XKR9: variants seen among roughly 807,000 people sequenced by gnomAD.
XKR9 encodes XK-related protein 9.
XKR9 carries 32 observed loss-of-function variants against 32.0 expected under a neutral mutation model. The ratio of observed to expected loss-of-function variants is 1.00; its 90% CI spans 0.76 to 1.34. The LOEUF (loss-of-function observed/expected upper bound fraction) is 1.34. Ranked by LOEUF, XKR9 falls within the 40% of genes most tolerant of loss-of-function variation. XKR9 has a pLI of 0.00. For synonymous variants in XKR9, 168 were observed against 143.4 expected, an observed-to-expected ratio of 1.17 and a Z score of -1.22; for missense variants, 546 against 429.7, an observed-to-expected ratio of 1.27 and a Z score of -2.39.
At chr8:70,770,371 G>A (rs181757579) in intron 2 of XKR9, among the ~76,000 whole-genome samples, 1 of 152,308 alleles carries the variant, frequency 6.6e-6, no homozygotes, top group East Asian at 1.9e-4. Flanking sequence ...TGTATGAGGT[G>A]TCTGTCGACC....
At chr8:70,818,727 T>C in the XKR9 span, among the ~76,000 whole-genome samples, 2 of 152,226 alleles carry the variant, frequency 1.3e-5, no homozygotes, top group East Asian at 3.8e-4. Context: ...TAGAGAAATA[T>C]AACTAGGGGT....
chr8:70,762,429 C>A (rs1317271752), intron 2 of XKR9, among the ~76,000 whole-genome samples: 1 of 152,140 alleles, frequency 6.6e-6, no homozygotes, highest in Admixed American at 6.5e-5. Flanking sequence ...CACCTGAGCT[C>A]CACCTTCTGT....
chr8:70,811,411 G>A, the XKR9 span, among the ~76,000 whole-genome samples: 2 of 152,160 alleles, frequency 1.3e-5, no homozygotes, highest in Admixed American at 6.5e-5. Flanking sequence ...ACATTCAAAA[G>A]CTAGCAGAAG....
intron 2 of XKR9, among the ~76,000 whole-genome samples, chr8:70,741,965 GTT>G (rs71264520): frequency 0.076 from 11,066 of 146,538 alleles, 473 homozygotes; most frequent in Non-Finnish European, 0.091. Flanking sequence ...GTTGTATTCT[GTT>G]TTTTTTTTTT....
At chr8:70,758,656 G>A (rs1420261592) in intron 2 of XKR9, among the ~76,000 whole-genome samples, 2 of 152,176 alleles carry the variant, frequency 1.3e-5, no homozygotes, top group South Asian at 2.1e-4. Flanking sequence ...CAATGGCAAC[G>A]TTTTTGTCGT....
chr8:71,055,539 C>T, the XKR9 span, among the ~76,000 whole-genome samples: 1 of 152,048 alleles, frequency 6.6e-6, no homozygotes, highest in South Asian at 2.1e-4. Flanking sequence ...GACCATTATG[C>T]CTGAAACAGA....
At chr8:70,725,896 A>T (rs1806451219) in intron 4 of XKR9, among the ~76,000 whole-genome samples, 1 of 152,142 alleles carries the variant, frequency 6.6e-6, no homozygotes, top group Non-Finnish European at 1.5e-5. Flanking sequence ...ACACAGTGAG[A>T]CTCCATCTCA....
intron 3 of XKR9, among the ~76,000 whole-genome samples, chr8:70,701,067 C>T (rs1049654198): frequency 1.3e-5 from 2 of 152,132 alleles, no homozygotes; most frequent in African/African-American, 2.4e-5. Context: ...GGGAGTGACC[C>T]GATTTTCCAG....
chr8:70,703,937 C>G (rs2132169498), intron 3 of XKR9, among the ~76,000 whole-genome samples: 1 of 152,254 alleles, frequency 6.6e-6, no homozygotes, highest in East Asian at 1.9e-4. Flanking sequence ...AATCCCAGCA[C>G]TTTGGGAGCC....
Position 70,764,715 on chromosome 8 carries a change from A to G in XKR9, n.353-24624A>G, listed in dbSNP as rs534137254. ...CATCAAGCCGTCATCTACATTACAT[A>G]TTTCTCCTAATGCTATCCCTCCCCT... On this transcript the variant is annotated intron_variant and non_coding_transcript_variant, in intron 2 of 3. Transcript: ENST00000520273. Among the ~76,000 whole-genome samples the G allele has an allele frequency of 2.0e-5, 3 of 152,064 alleles. No homozygotes were observed. In the East Asian group the frequency reaches 5.8e-4, roughly 29 times the overall value.
the XKR9 span, among the ~76,000 whole-genome samples, chr8:70,995,973 A>T: frequency 6.6e-6 from 1 of 151,530 alleles, no homozygotes; most frequent in Non-Finnish European, 1.5e-5. Context: ...TGTGTGTGCC[A>T]TGCATTCTTA....
the XKR9 span, among the ~76,000 whole-genome samples, chr8:70,909,064 A>G: frequency 6.6e-6 from 1 of 151,964 alleles, no homozygotes; most frequent in African/African-American, 2.4e-5. Flanking sequence ...TTTTTTTATT[A>G]CCTTGCACCT....
At chr8:70,759,347 A>G (rs1018081714) in intron 2 of XKR9, among the ~76,000 whole-genome samples, 4 of 152,174 alleles carry the variant, frequency 2.6e-5, no homozygotes. Flanking sequence ...TATTTTAGAA[A>G]GGGGGTGGAG....
the XKR9 span, among the ~76,000 whole-genome samples, chr8:71,016,411 G>A: frequency 1.3e-5 from 2 of 152,144 alleles, no homozygotes; most frequent in Non-Finnish European, 2.9e-5. Flanking sequence ...GTTTAAATCT[G>A]TGTGTAATCT....
the XKR9 span, among the ~76,000 whole-genome samples, chr8:71,044,237 C>A: frequency 1.3e-5 from 2 of 152,120 alleles, no homozygotes; most frequent in African/African-American, 4.8e-5. Context: ...TAAATCTCCT[C>A]AAAAAAGACT....
chr8:71,045,262 A>G, the XKR9 span, among the ~76,000 whole-genome samples: 1 of 152,194 alleles, frequency 6.6e-6, no homozygotes, highest in African/African-American at 2.4e-5. Context: ...ATATCCGCAA[A>G]GCTTGTCACG....
chr8:70,793,748 A>G (rs894015700), downstream of XKR9, among the ~76,000 whole-genome samples: 12 of 151,930 alleles, frequency 7.9e-5, no homozygotes, highest in Admixed American at 3.9e-4. Flanking sequence ...TGTCTTGATT[A>G]TTGTAGCTTT....
chr8:71,044,139 G>A, the XKR9 span, among the ~76,000 whole-genome samples: 1 of 152,144 alleles, frequency 6.6e-6, no homozygotes, highest in African/African-American at 2.4e-5. Context: ...GCCTCTAGGG[G>A]TAATTTATTT....
At chr8:70,884,085 G>C in the XKR9 span, among the ~76,000 whole-genome samples, 2 of 152,116 alleles carry the variant, frequency 1.3e-5, no homozygotes, top group Admixed American at 1.3e-4. Flanking sequence ...TATTCTAATA[G>C]GGGTGTAGTG....
Sources: allele counts gnomAD v4.1 joint callset (sites outside exome capture counted in the v4.1 genomes callset), GRCh38; gene constraint gnomAD v4.1.1; transcripts MANE v1.5; gene names NCBI Gene and HGNC (gene_info 2026-07-23, HGNC 2026-07-21).